Variants in SLC44A5 observed in about 807,000 individuals in gnomAD.
The protein encoded by SLC44A5 is choline transporter-like protein 5.
Under a neutral mutation model 101.8 loss-of-function variants are expected in SLC44A5, and 57 were observed. The observed-to-expected ratio is 0.56, with a 90% confidence interval of 0.45 to 0.70. SLC44A5 has a LOEUF of 0.70. Among genes scored for constraint, SLC44A5 ranks in the 30% least tolerant of loss-of-function variants. The pLI is 0.00. For missense variants in SLC44A5, 737 were observed against 853.1 expected (o/e 0.86, Z 1.70); for synonymous variants, 281 against 290.9 (o/e 0.97, Z 0.35).
chr1:75,663,175 C>A, the SLC44A5 span, among the ~76,000 whole-genome samples: 6 of 152,132 alleles, frequency 3.9e-5, no homozygotes, highest in East Asian at 1.2e-3. Flanking sequence ...GTTTGTGTCC[C>A]CTCAAAATCC....
At chr1:75,217,741 C>T (rs929045919) in intron 18 of SLC44A5, 125 bp downstream of exon 18, 30 of 685,606 alleles carry the variant, frequency 4.4e-5, no homozygotes, top group Admixed American at 2.1e-4. Context: ...TCCTTCAGAA[C>T]AGAACGGGTC....
rs145876554 is a variant in SLC44A5, at chr1:75,530,672, C to A, written c.13+10763G>T. ...TACCCACTAATTGCTCTCAGTACTA[C>A]CTCCCGACTTTACTTTTACCAAAAA... On this transcript the variant is annotated intron_variant, in intron 2 of 23. Transcript: ENST00000370859. Among the ~76,000 whole-genome samples the A allele has an allele frequency of 2.5e-3, 378 of 152,256 alleles. 2 individuals are homozygous for A. Among genetic ancestry groups the A allele is most frequent in the African/African-American group, 8.3e-3 (344 of 41,534 alleles).
rs139766756 is a variant in SLC44A5, at chr1:75,253,585, T to A, written c.261-2291A>T. Among the ~76,000 whole-genome samples the A allele has an allele frequency of 3.5e-4, 53 of 152,292 alleles. 2 individuals carry two copies. The East Asian group carries it at 9.8e-3, about 28-fold the overall frequency. The stretch of plus-strand genomic sequence containing the variant: ...CTATTTCACCACCCAGTCAACTACA[T>A]CATCCACACAGTCTCACAGTGCATG... On this transcript the variant is annotated intron_variant, in intron 6 of 23. Transcript: ENST00000370859.
intron 4 of SLC44A5, among the ~76,000 whole-genome samples, chr1:75,312,745 G>T (rs1367517442): frequency 1.3e-5 from 2 of 151,700 alleles, no homozygotes; most frequent in Non-Finnish European, 2.9e-5. Flanking sequence ...CACAACAGGT[G>T]GTTGGTACAA....
At chr1:75,297,746 A>G (rs1358420991) in intron 5 of SLC44A5, among the ~76,000 whole-genome samples, 1 of 152,218 alleles carries the variant, frequency 6.6e-6, no homozygotes, top group African/African-American at 2.4e-5. Flanking sequence ...TAGGACAAAG[A>G]AGGGCTATTA....
At chr1:75,552,596 G>A (rs891986701) in intron 1 of SLC44A5, among the ~76,000 whole-genome samples, 46 of 147,992 alleles carry the variant, frequency 3.1e-4, no homozygotes, top group Admixed American at 2.0e-3. Context: ...AAAACTTGTT[G>A]AATTTTTTAA....
chr1:75,393,084 A>G (rs1033593709), intron 3 of SLC44A5, among the ~76,000 whole-genome samples: 12 of 152,156 alleles, frequency 7.9e-5, no homozygotes, highest in African/African-American at 2.7e-4. Flanking sequence ...TTCTACCTCA[A>G]TAGTTCTATC....
chr1:75,214,524 C>G lies in SLC44A5; in HGVS notation c.1802+81G>C, dbSNP rs1646922998. 5 of 1,099,628 alleles carry G rather than the reference C, an allele frequency of 4.5e-6. No individual in the cohort carries two copies. In the Admixed American group the frequency reaches 8.4e-5, roughly 18 times the overall value. 68.1% of individuals were successfully genotyped at this position (1,099,628 alleles called of 1,614,324 possible). ...TTCATATCCAATAATGCCACCAACA[C>G]TTTAAATAACAACATGTAAAGGATG... On this transcript the variant is annotated intron_variant, in intron 20 of 23. Coordinates refer to ENST00000370859, the MANE Select transcript of SLC44A5 (RefSeq NM_001130058.2).
At chr1:75,681,663 C>A in the SLC44A5 span, among the ~76,000 whole-genome samples, 32 of 149,154 alleles carry the variant, frequency 2.1e-4, no homozygotes, top group Non-Finnish European at 4.2e-4. Flanking sequence ...ACTGAATGGG[C>A]AAAAACTGGA....
chr1:75,331,437 C>T (rs1657048816), intron 4 of SLC44A5, among the ~76,000 whole-genome samples: 2 of 152,024 alleles, frequency 1.3e-5, no homozygotes, highest in African/African-American at 2.4e-5. Context: ...AGTGCTGCTC[C>T]CTCTACCACC....
the SLC44A5 span, among the ~76,000 whole-genome samples, chr1:75,703,952 C>G: frequency 6.6e-6 from 1 of 152,084 alleles, no homozygotes; most frequent in Admixed American, 6.5e-5. Flanking sequence ...TTTTGGGACG[C>G]TGAGGCAGAA....
chr1:75,286,620 G>T (rs138799343), intron 5 of SLC44A5, among the ~76,000 whole-genome samples: 1 of 152,078 alleles, frequency 6.6e-6, no homozygotes, highest in African/African-American at 2.4e-5. Context: ...TTGAGGATTC[G>T]TTTCAAGATT....
intron 2 of SLC44A5, among the ~76,000 whole-genome samples, chr1:75,525,662 T>C (rs1016146284): frequency 3.9e-5 from 6 of 152,198 alleles, no homozygotes; most frequent in South Asian, 2.1e-4. Flanking sequence ...CTTTAGATAA[T>C]TGGGGAAATT....
rs529733198 is a variant in SLC44A5, at chr1:75,202,858, G to C, written c.*869C>G. ...ATTTCATTTTAAAACTTCTCTTTTA[G>C]TAAAAAAAAAAACAAAGAAATCCAA... On this transcript the variant is annotated 3_prime_UTR_variant, in exon 24 of 24. Coordinates refer to ENST00000370859, the MANE Select transcript of SLC44A5 (RefSeq NM_001130058.2). 6.8e-6 allele frequency: 1 copy of C among 147,368 alleles called. No homozygotes were observed. Among genetic ancestry groups the C allele is most frequent in the East Asian group, 1.9e-4 (1 of 5,144 alleles). The allele number at this position is 147,368 out of a possible 1,614,324, so 9.1% of individuals were successfully genotyped here.
the SLC44A5 span, among the ~76,000 whole-genome samples, chr1:75,659,438 AGGG>A: frequency 2.1e-4 from 3 of 14,456 alleles, no homozygotes; most frequent in South Asian, 2.9e-3. Flanking sequence ...GGAGGGAGGG[AGGG>A]AGGGAAGGAA....
intron 4 of SLC44A5, among the ~76,000 whole-genome samples, chr1:75,305,868 C>G (rs1654859399): frequency 6.6e-6 from 1 of 152,214 alleles, no homozygotes; most frequent in African/African-American, 2.4e-5. Flanking sequence ...AGAGCTCTCT[C>G]TAATCCCCGT....
At chr1:75,478,879 C>T (rs973204892) in intron 2 of SLC44A5, among the ~76,000 whole-genome samples, 7 of 152,188 alleles carry the variant, frequency 4.6e-5, no homozygotes, top group Non-Finnish European at 7.3e-5. Flanking sequence ...AGGAATTGAA[C>T]TCAGCTCTGC....
At chr1:75,684,613 C>T in the SLC44A5 span, among the ~76,000 whole-genome samples, 2 of 152,202 alleles carry the variant, frequency 1.3e-5, no homozygotes, top group Admixed American at 6.5e-5. Context: ...GTATTCAAAT[C>T]TTAAAGCTCT....
At chr1:75,619,959 T>A in the SLC44A5 span, among the ~76,000 whole-genome samples, 1 of 152,170 alleles carries the variant, frequency 6.6e-6, no homozygotes, top group Non-Finnish European at 1.5e-5. Flanking sequence ...ATTAGGTATT[T>A]ATCGTAATCC....
Sources: gnomAD v4.1 joint callset for allele counts (sites outside exome capture counted in the v4.1 genomes callset) on GRCh38, gnomAD v4.1.1 for gene constraint, MANE v1.5 for transcripts, NCBI Gene and HGNC (gene_info 2026-07-23, HGNC 2026-07-21) for gene names.